Variants in GALNT18 observed in about 807,000 individuals in gnomAD.
GALNT18 encodes the protein polypeptide N-acetylgalactosaminyltransferase 18, also known as GalNAc-transferase 18.
In GALNT18, 44 loss-of-function variants were observed where a neutral mutation model predicts 69.5. The observed-to-expected ratio is 0.63, with a 90% CI of 0.50 to 0.81. The LOEUF (loss-of-function observed/expected upper bound fraction) is 0.81. GALNT18 is among the 40% of genes least tolerant of loss of function. The probability of loss-of-function intolerance (pLI) is 0.00; values close to 1 mark genes in which losing one functional copy is unlikely to be tolerated. For missense variants in GALNT18, 715 were observed against 810.0 expected, an observed-to-expected ratio of 0.88 and a Z score of 1.42; for synonymous variants, 364 against 318.2, an observed-to-expected ratio of 1.14 and a Z score of -1.53.
intron 3 of GALNT18, among the ~76,000 whole-genome samples, chr11:11,425,294 CAGA>C (rs1855101955): frequency 6.6e-6 from 1 of 152,172 alleles, no homozygotes; most frequent in African/African-American, 2.4e-5. Flanking sequence ...CTGGGAGAGA[CAGA>C]AGATTCCATC....
At position 11,592,386 on chromosome 11, in the gene GALNT18, T is replaced by A. The variant is rs1859379042; in HGVS notation, c.235+28973A>T. On this transcript the variant is annotated intron_variant, in intron 1 of 10. Transcript: ENST00000227756. This position sits in a 1 kb window ranked among gnomAD's most constrained non-coding sequence, Gnocchi z 5.9. ...GTTCCTGCAAGGAAGTGGACTGAGT[T>A]TTCTAGATAATGTTTGAGCAATTCA... 6.6e-6 allele frequency among the ~76,000 whole-genome samples: 1 copy of A among 152,096 alleles called. No homozygotes were observed. Among genetic ancestry groups the A allele is most frequent in the South Asian group, 2.1e-4 (1 of 4,820 alleles).
Position 11,337,039 on chromosome 11 carries a change from T to C in GALNT18, c.1278+3780A>G, listed in dbSNP as rs1371723383. Reference sequence around the variant, plus strand: ...GTGGGTTTGAAAAAATGAGAAGGACTAGCTAAATGGGTGTTACACAAACCT... The same window carrying C: ...GTGGGTTTGAAAAAATGAGAAGGACCAGCTAAATGGGTGTTACACAAACCT... On this transcript the variant is annotated intron_variant, in intron 7 of 10. Transcript: ENST00000227756. The surrounding 1 kb of genome is among the most constrained non-coding windows in gnomAD (Gnocchi z 4.9). Among the ~76,000 whole-genome samples, 1 of 152,062 alleles carries C rather than the reference T, an allele frequency of 6.6e-6. No individual in the cohort carries two copies. Among genetic ancestry groups the C allele is most frequent in the Non-Finnish European group, 1.5e-5 (1 of 68,014 alleles).
chr11:11,271,310 G>C lies in GALNT18; in HGVS notation c.1678-20C>G, dbSNP rs1239736255. 6.2e-7 allele frequency: 1 copy of C among 1,610,620 alleles called. No homozygotes were observed. The highest frequency in any genetic ancestry group is 8.5e-7 in the Non-Finnish European group (1 of 1,177,174). On this transcript the variant is annotated intron_variant, in intron 10 of 10. Transcript: ENST00000227756. The stretch of plus-strand genomic sequence containing the variant: ...TCCTCCCTAGGGGCCAGGGCAGACA[G>C]TGGGGTCAGAGGGCATAGAGGCAAC...
At chr11:11,311,253 T>C (rs971794765) in intron 9 of GALNT18, among the ~76,000 whole-genome samples, 4 of 152,184 alleles carry the variant, frequency 2.6e-5, no homozygotes, top group African/African-American at 9.7e-5. Flanking sequence ...ACTTCTACAC[T>C]TGGTGCAAGG....
chr11:11,475,375 T>C (rs1394927739), intron 1 of GALNT18: 2 of 152,214 alleles, frequency 1.3e-5, no homozygotes, highest in African/African-American at 4.8e-5. Context: ...TTTCACTTTT[T>C]TATGAACATC....
At chr11:11,554,612 T>C (rs2133973941) in intron 1 of GALNT18, among the ~76,000 whole-genome samples, 1 of 152,312 alleles carries the variant, frequency 6.6e-6, no homozygotes, top group Admixed American at 6.5e-5. Context: ...ATTTAGGTCA[T>C]TCCTGATACA....
chr11:11,409,377 G>C (rs1354631938), intron 3 of GALNT18, among the ~76,000 whole-genome samples: 1 of 152,184 alleles, frequency 6.6e-6, no homozygotes, highest in African/African-American at 2.4e-5. Context: ...CAGAATCAAA[G>C]CCGCCTCTGC....
chr11:11,326,977 GC>G lies in GALNT18; in HGVS notation c.1512+108del, dbSNP rs1018652542. The stretch of plus-strand genomic sequence containing the variant: ...CCCAGAGGCCCCTGGTCCCAGAGCT[GC>G]CATGACAGAGCCTAGCTCTCCTTCC... On this transcript the variant is annotated intron_variant, in intron 9 of 10. Coordinates refer to ENST00000227756, the MANE Select transcript of GALNT18 (RefSeq NM_198516.3). 6.3e-5 allele frequency: 50 copies of G among 792,074 alleles called. 1 individual carries two copies. The highest frequency in any genetic ancestry group is 1.0e-4 in the Non-Finnish European group (48 of 468,850). 49.1% of individuals were successfully genotyped at this position (792,074 alleles called of 1,614,324 possible).
rs1476757209 is a variant in GALNT18, at chr11:11,562,948, C to T, written c.235+58411G>A. On this transcript the variant is annotated intron_variant, in intron 1 of 10. Transcript: ENST00000227756. The surrounding 1 kb of genome is among the most constrained non-coding windows in gnomAD (Gnocchi z 4.1). ...CCCCACAGCCCTCAAGTTCACAGAT[C>T]GGAAGAGACTCCCAGGAACTACATG... is the stretch of plus-strand genomic sequence containing the variant. Among the ~76,000 whole-genome samples, 1 of 152,144 alleles carries T rather than the reference C, an allele frequency of 6.6e-6. No homozygotes were observed. The highest frequency in any genetic ancestry group is 1.5e-5 in the Non-Finnish European group (1 of 68,024).
At chr11:11,324,565 A>T (rs1849886614) in intron 9 of GALNT18, among the ~76,000 whole-genome samples, 1 of 152,212 alleles carries the variant, frequency 6.6e-6, no homozygotes, top group African/African-American at 2.4e-5. Flanking sequence ...CCATGCCAAC[A>T]TCTATTGGTT....
chr11:11,335,427 CAT>C (rs1850095474), intron 7 of GALNT18, among the ~76,000 whole-genome samples: 1 of 152,172 alleles, frequency 6.6e-6, no homozygotes, highest in African/African-American at 2.4e-5. Context: ...AAGCAGGAGG[CAT>C]ATATTGAGAA....
intron 1 of GALNT18, among the ~76,000 whole-genome samples, chr11:11,597,135 A>C (rs924783804): frequency 6.6e-6 from 1 of 152,206 alleles, no homozygotes; most frequent in Non-Finnish European, 1.5e-5. Flanking sequence ...AATTCTTGGA[A>C]TAAATCTCAC....
rs369357425 is a variant in GALNT18, at chr11:11,454,890, C to T, written c.236-5954G>A. On this transcript the variant is annotated intron_variant, in intron 1 of 10. Transcript: ENST00000227756. This position sits in a 1 kb window ranked among gnomAD's most constrained non-coding sequence, Gnocchi z 4.2. ...TTCCCTCCAGAGGACACTAATCACT[C>T]CACCCTTGAAGAGAAAGGTACAGTT... is the stretch of plus-strand genomic sequence containing the variant. 3.9e-5 allele frequency among the ~76,000 whole-genome samples: 6 copies of T among 152,322 alleles called. No individual in the cohort carries two copies. The East Asian group carries it at 1.2e-3, about 29-fold the overall frequency.
chr11:11,297,130 T>C (rs941154521), intron 9 of GALNT18, among the ~76,000 whole-genome samples: 9 of 152,012 alleles, frequency 5.9e-5, no homozygotes, highest in Non-Finnish European at 1.0e-4. Flanking sequence ...GTAGGAGGTG[T>C]CTAGTGGCTG....
At position 11,605,626 on chromosome 11, in the gene GALNT18, T is replaced by G. The variant is rs1859735200; in HGVS notation, c.235+15733A>C. Among the ~76,000 whole-genome samples the G allele has an allele frequency of 6.6e-6, 1 of 152,190 alleles. No individual in the cohort carries two copies. The highest frequency in any genetic ancestry group is 1.5e-5 in the Non-Finnish European group (1 of 68,030). On this transcript the variant is annotated intron_variant, in intron 1 of 10. Coordinates refer to ENST00000227756, the MANE Select transcript of GALNT18 (RefSeq NM_198516.3). The surrounding 1 kb of genome is among the most constrained non-coding windows in gnomAD (Gnocchi z 4.7). ...GAAAATGAAGCTATGCTTTCTCCTT[T>G]CTAGTGACTCTTCAGGTGTCAATTA... is the stretch of plus-strand genomic sequence containing the variant.
rs10831601 is a variant in GALNT18 at position 11,356,279 on chromosome 11, A to G, written c.1093-15275T>C. ...AGTTTGTGGCAGTTCTTCTGAGGAA[A>G]TGATTCTGGCCTTGCTTGGTGGTCT... On this transcript the variant is annotated intron_variant, in intron 6 of 10. Transcript: ENST00000227756. This position sits in a 1 kb window ranked among gnomAD's most constrained non-coding sequence, Gnocchi z 4.4. Among the ~76,000 whole-genome samples, 1 of 152,042 alleles carries G rather than the reference A, an allele frequency of 6.6e-6. No individual in the cohort carries two copies. Among genetic ancestry groups the G allele is most frequent in the Non-Finnish European group, 1.5e-5 (1 of 68,028 alleles).
chr11:11,383,543 C>T lies in GALNT18; in HGVS notation c.596-4279G>A, dbSNP rs1853971171. Reference sequence around the variant, plus strand: ...GGAGAACCGGGCAGAGTCCTCACCTCTCCCTCAAGGTTCAGATGAGCATTT... The same window carrying T: ...GGAGAACCGGGCAGAGTCCTCACCTTTCCCTCAAGGTTCAGATGAGCATTT... On this transcript the variant is annotated intron_variant, in intron 3 of 10. Coordinates refer to ENST00000227756, the MANE Select transcript of GALNT18 (RefSeq NM_198516.3). The surrounding 1 kb of genome is among the most constrained non-coding windows in gnomAD (Gnocchi z 5.2). 6.6e-6 allele frequency among the ~76,000 whole-genome samples: 1 copy of T among 152,210 alleles called. No individual in the cohort carries two copies. Among genetic ancestry groups the T allele is most frequent in the Non-Finnish European group, 1.5e-5 (1 of 68,032 alleles).
intron 9 of GALNT18, among the ~76,000 whole-genome samples, chr11:11,305,539 G>A (rs955586160): frequency 3.3e-5 from 5 of 152,122 alleles, no homozygotes; most frequent in Admixed American, 6.5e-5. Context: ...AGACTGAGTC[G>A]GGATCCAAAC....
At chr11:11,528,087 G>A (rs767353112) in intron 1 of GALNT18, among the ~76,000 whole-genome samples, 16 of 152,284 alleles carry the variant, frequency 1.1e-4, no homozygotes, top group Non-Finnish European at 1.3e-4. Context: ...AGAATGTTAC[G>A]GAAAGACAGC....
Sources: gnomAD v4.1 joint callset for allele counts (sites outside exome capture counted in the v4.1 genomes callset) on GRCh38, gnomAD v4.1.1 for gene constraint, Gnocchi (gnomAD v3.1) non-coding constraint, MANE v1.5 for transcripts, NCBI Gene and HGNC (gene_info 2026-07-23, HGNC 2026-07-21) for gene names.